Variants in LRRTM4 observed in about 807,000 individuals in gnomAD.
LRRTM4 encodes the protein leucine rich repeat transmembrane neuronal 4.
In LRRTM4, 25 loss-of-function variants were observed where a neutral mutation model predicts 47.6. That is an observed-to-expected ratio of 0.53 (90% CI 0.38 to 0.73). The LOEUF (loss-of-function observed/expected upper bound fraction) is 0.73. LRRTM4 is among the 30% of genes least tolerant of loss of function. LRRTM4 has a pLI of 0.00. For missense variants in LRRTM4, 638 were observed against 713.4 expected, an observed-to-expected ratio of 0.89 and a Z score of 1.20; for synonymous variants, 311 against 269.5, an observed-to-expected ratio of 1.15 and a Z score of -1.51.
intron 3 of LRRTM4, among the ~76,000 whole-genome samples, chr2:77,513,161 A>G (rs73942773): frequency 0.072 from 10,985 of 151,698 alleles, 1,083 homozygotes; most frequent in East Asian, 0.54. Context: ...GTGCTCACAC[A>G]TGTGTATGCG....
At chr2:77,203,397 C>T (rs1055558926) in intron 3 of LRRTM4, among the ~76,000 whole-genome samples, 3 of 152,066 alleles carry the variant, frequency 2.0e-5, no homozygotes, top group Non-Finnish European at 4.4e-5. Flanking sequence ...CACATGGTCA[C>T]TTTCGGAAGA....
chr2:77,492,820 G>A (rs980993121), intron 3 of LRRTM4, among the ~76,000 whole-genome samples: 9 of 151,946 alleles, frequency 5.9e-5, no homozygotes, highest in African/African-American at 1.9e-4. Flanking sequence ...ATTATCATTA[G>A]GATAGTTAAT....
At chr2:77,075,301 C>T (rs530076336) in intron 3 of LRRTM4, among the ~76,000 whole-genome samples, 2 of 152,246 alleles carry the variant, frequency 1.3e-5, no homozygotes, top group African/African-American at 4.8e-5. Context: ...AAATGTTAGG[C>T]TTAACCACAA....
intron 3 of LRRTM4, among the ~76,000 whole-genome samples, chr2:76,951,569 A>C (rs1262652239): frequency 6.6e-6 from 1 of 151,976 alleles, no homozygotes; most frequent in African/African-American, 2.4e-5. Flanking sequence ...AAAAATTTCA[A>C]GGTTTGTTTG....
At chr2:77,051,770 T>A (rs1225555656) in intron 3 of LRRTM4, among the ~76,000 whole-genome samples, 1 of 152,170 alleles carries the variant, frequency 6.6e-6, no homozygotes, top group Non-Finnish European at 1.5e-5. Context: ...ATGATCAAAT[T>A]TGCAACTTGA....
intron 3 of LRRTM4, among the ~76,000 whole-genome samples, chr2:76,910,234 A>G (rs1674001972): frequency 6.6e-6 from 1 of 151,944 alleles, no homozygotes. Context: ...TTCTCAGCAA[A>G]CTATCGGAAG....
intron 3 of LRRTM4, among the ~76,000 whole-genome samples, chr2:76,779,898 A>T (rs1446615266): frequency 3.3e-5 from 5 of 151,736 alleles, no homozygotes; most frequent in African/African-American, 9.7e-5. Context: ...AGCGGCTGGT[A>T]CCGGTTGTTC....
At chr2:77,242,500 A>G (rs1449809402) in intron 3 of LRRTM4, among the ~76,000 whole-genome samples, 1 of 152,110 alleles carries the variant, frequency 6.6e-6, no homozygotes, top group Admixed American at 6.6e-5. Context: ...CAAAATGGAC[A>G]AATAACTTGA....
intron 3 of LRRTM4, among the ~76,000 whole-genome samples, chr2:77,229,772 A>T (rs1286135913): frequency 6.6e-6 from 1 of 152,186 alleles, no homozygotes; most frequent in African/African-American, 2.4e-5. Context: ...GTTTTGTACT[A>T]GAAGTTTCTT....
chr2:76,937,497 A>C (rs983560844), intron 3 of LRRTM4, among the ~76,000 whole-genome samples: 5 of 152,186 alleles, frequency 3.3e-5, no homozygotes, highest in African/African-American at 9.7e-5. Flanking sequence ...AATGCATCAA[A>C]TCATTTTGCT....
intron 3 of LRRTM4, among the ~76,000 whole-genome samples, chr2:77,087,584 AAAGTT>A (rs1680763743): frequency 1.3e-5 from 2 of 152,254 alleles, no homozygotes; most frequent in Admixed American, 6.5e-5. Context: ...CTCACCACTT[AAAGTT>A]ATCAAATACA....
intron 3 of LRRTM4, among the ~76,000 whole-genome samples, chr2:77,075,784 G>A (rs982067577): frequency 2.7e-5 from 4 of 148,228 alleles, no homozygotes; most frequent in East Asian, 4.0e-4. Context: ...GCGTAGTGGC[G>A]GGCGCCTGTA....
chr2:76,903,547 A>G (rs1238366605), intron 3 of LRRTM4, among the ~76,000 whole-genome samples: 1 of 152,154 alleles, frequency 6.6e-6, no homozygotes, highest in Non-Finnish European at 1.5e-5. Context: ...AAACAAAACA[A>G]AACAAAAAAG....
At chr2:77,270,515 G>T (rs1265582529) in intron 3 of LRRTM4, among the ~76,000 whole-genome samples, 4 of 152,112 alleles carry the variant, frequency 2.6e-5, no homozygotes, top group South Asian at 2.1e-4. Flanking sequence ...ACCTACTAGG[G>T]TATTTTCTAG....
At chr2:76,753,721 A>G (rs1314235314) in intron 3 of LRRTM4, among the ~76,000 whole-genome samples, 1 of 152,136 alleles carries the variant, frequency 6.6e-6, no homozygotes, top group Non-Finnish European at 1.5e-5. Context: ...TTCAAATCCC[A>G]TAATTCTAAA....
At chr2:76,922,097 G>A (rs937655776) in intron 3 of LRRTM4, among the ~76,000 whole-genome samples, 6 of 152,098 alleles carry the variant, frequency 3.9e-5, no homozygotes, top group Admixed American at 2.0e-4. Context: ...CTGCAACAAC[G>A]TAGGTGAACC....
At chr2:77,175,168 C>T (rs1283151318) in intron 3 of LRRTM4, among the ~76,000 whole-genome samples, 2 of 150,584 alleles carry the variant, frequency 1.3e-5, no homozygotes, top group Non-Finnish European at 2.9e-5. Flanking sequence ...CTCCTGGGTT[C>T]AAGCGATTCT....
chr2:77,316,337 A>T (rs1192201447), intron 3 of LRRTM4, among the ~76,000 whole-genome samples: 1 of 152,188 alleles, frequency 6.6e-6, no homozygotes, highest in Non-Finnish European at 1.5e-5. Context: ...TTAAATAGGC[A>T]ATTATGAAAA....
chr2:77,064,451 C>T (rs1460289278), intron 3 of LRRTM4, among the ~76,000 whole-genome samples: 1 of 152,128 alleles, frequency 6.6e-6, no homozygotes, highest in Non-Finnish European at 1.5e-5. Context: ...TCAAAGTTGG[C>T]ATTTTCTTCC....
Sources: gnomAD v4.1 joint callset for allele counts (sites outside exome capture counted in the v4.1 genomes callset) on GRCh38, gnomAD v4.1.1 for gene constraint, MANE v1.5 for transcripts, NCBI Gene and HGNC (gene_info 2026-07-23, HGNC 2026-07-21) for gene names.